The following ANK2 variants were observed in gnomAD, a reference collection of about 807,000 sequenced individuals.
The protein encoded by ANK2 is ankyrin 2.
In ANK2, 83 loss-of-function variants were observed where a neutral mutation model predicts 360.5. The ratio of observed to expected loss-of-function variants is 0.23; its 90% confidence interval spans 0.19 to 0.28. ANK2 has a LOEUF of 0.28. ANK2 is among the 10% of genes least tolerant of loss of function. The pLI is 1.00. For missense variants in ANK2, 4,201 were observed against 4,795.7 expected (o/e 0.88, Z 3.66); for synonymous variants, 1,740 against 1,759.5 (o/e 0.99, Z 0.28).
Position 113,353,287 on chromosome 4 carries a change from G to A in ANK2, c.4669G>A (p.Glu1557Lys). The change falls in exon 38 of 46, where the codon GAG (glutamate) becomes AAG (lysine). Residue 1557 changes from glutamate to lysine, a missense_variant. Transcript: ENST00000357077. ...EPFEIVERVK[E>K]DLEKVNEILR... ...TTTTGAAATCGTTGAAAGAGTTAAA[G>A]AGGACTTAGAGAAAGTGAATGAAAT... 1 of 1,613,842 alleles carries A rather than the reference G, an allele frequency of 6.2e-7. No homozygotes were observed. The highest frequency in any genetic ancestry group is 1.1e-5 in the South Asian group (1 of 91,068).
chr4:113,274,403 T>C (rs1238384323), intron 14 of ANK2, 49 bp from the exon 15 acceptor site: 1 of 1,574,844 alleles, frequency 6.3e-7, no homozygotes. Context: ...ATATCACCAG[T>C]GAAGTTCTGT....
At position 113,354,657 on chromosome 4, in the gene ANK2, C is replaced by G. The variant is rs776542014; in HGVS notation, c.6039C>G (p.His2013Gln). 6.2e-7 allele frequency: 1 copy of G among 1,613,892 alleles called. No homozygotes were observed. The highest frequency in any genetic ancestry group is 1.1e-5 in the South Asian group (1 of 91,070). Residue 2013 changes from histidine (H) to glutamine (Q), a missense_variant, in exon 38 of 46, where the codon CAC becomes CAG. Coordinates refer to ENST00000357077, the MANE Select transcript of ANK2 (RefSeq NM_001148.6). ...AACATAAAACTGGACTCTTTGAGCA[C>G]AAATCAGCAAAACAAAAGCAGCCAC... ...PSKHKTGLFE[H>Q]KSAKQKQPQE...
intron 41 of ANK2, among the ~76,000 whole-genome samples, chr4:113,366,408 T>C (rs913590139): frequency 6.7e-6 from 1 of 149,200 alleles, no homozygotes; most frequent in Non-Finnish European, 1.5e-5. Context: ...TTTTTTTTTT[T>C]TTTTTTAACT....
intron 1 of ANK2, chr4:113,151,085 A>G (rs773781121): frequency 2.3e-6 from 3 of 1,288,900 alleles, no homozygotes; most frequent in African/African-American, 1.5e-5. Context: ...TACAGGTGAC[A>G]TGCCCCCAGA....
chr4:113,085,490 G>A (rs2084224448), intron 1 of ANK2, among the ~76,000 whole-genome samples: 1 of 151,864 alleles, frequency 6.6e-6, no homozygotes, highest in Admixed American at 6.6e-5. Context: ...TGTATTTTTA[G>A]TAGAGATGGG....
At chr4:112,885,405 A>G (rs2078009988) in intron 1 of ANK2, among the ~76,000 whole-genome samples, 1 of 151,640 alleles carries the variant, frequency 6.6e-6, no homozygotes, top group South Asian at 2.1e-4. Flanking sequence ...AGGCTGAGGC[A>G]GGAGAATCGC....
chr4:113,352,777 G>C (rs982097644), intron 37 of ANK2, among the ~76,000 whole-genome samples: 3 of 151,020 alleles, frequency 2.0e-5, no homozygotes, highest in Non-Finnish European at 4.4e-5. Context: ...TTTTAGCTTT[G>C]TTGTATGTGT....
At chr4:113,290,311 T>C (rs1409160990) in intron 20 of ANK2, among the ~76,000 whole-genome samples, 1 of 152,154 alleles carries the variant, frequency 6.6e-6, no homozygotes, top group African/African-American at 2.4e-5. Context: ...ATGACATCTT[T>C]GGGAAAGGAA....
At chr4:112,817,888 TAGAAC>T (rs1388881113), upstream of ANK2, among the ~76,000 whole-genome samples, 1 of 152,190 alleles carries the variant, frequency 6.6e-6, no homozygotes. Context: ...TCCCTTCTTT[TAGAAC>T]AGAAGAAACC....
At chr4:113,235,596 T>A (rs1015915823) in intron 5 of ANK2, among the ~76,000 whole-genome samples, 1 of 151,688 alleles carries the variant, frequency 6.6e-6, no homozygotes, top group Admixed American at 6.6e-5. Flanking sequence ...ATTCATCTAA[T>A]TTTTTCTTTG....
At chr4:113,035,937 A>G (rs1338909586) in intron 2 of ANK2, among the ~76,000 whole-genome samples, 1 of 151,994 alleles carries the variant, frequency 6.6e-6, no homozygotes, top group Non-Finnish European at 1.5e-5. Context: ...AAAACACCAT[A>G]GCATTTGTAC....
intron 1 of ANK2, among the ~76,000 whole-genome samples, chr4:113,050,278 C>T (rs2066353633): frequency 6.6e-6 from 1 of 152,166 alleles, no homozygotes; most frequent in African/African-American, 2.4e-5. Flanking sequence ...GTGTATTCCT[C>T]CTAAGGAGAA....
At chr4:113,080,138 T>C (rs1426271287) in intron 1 of ANK2, among the ~76,000 whole-genome samples, 1 of 152,118 alleles carries the variant, frequency 6.6e-6, no homozygotes, top group East Asian at 1.9e-4. Flanking sequence ...ACCTAATGTG[T>C]TCCGCCTGCC....
At chr4:112,710,334 A>T in the ANK2 span, among the ~76,000 whole-genome samples, 29 of 152,242 alleles carry the variant, frequency 1.9e-4, no homozygotes, top group East Asian at 3.9e-4. Flanking sequence ...TTCTGCTTTG[A>T]GTTACTCGGA....
rs3025734 is a variant in ANK2, at chr4:113,249,920, A to G, written c.990+58A>G. 62,849 of 1,449,478 alleles carry G rather than the reference A, an allele frequency of 0.043. 1,527 individuals carry two copies. The highest frequency in any genetic ancestry group is 0.075 in the African/African-American group (5,362 of 71,798). 89.8% of individuals were successfully genotyped at this position (1,449,478 alleles called of 1,614,324 possible). A position where few individuals can be genotyped will look rare whatever the true frequency, so the allele number is the denominator to read the frequency against. On this transcript the variant is annotated intron_variant, in intron 10 of 45. Coordinates refer to ENST00000357077, the MANE Select transcript of ANK2 (RefSeq NM_001148.6). ...AAATCTTTAAGTTACTTGATGTATT[A>G]TCTCTATTCTTTTTTAAATTGAAAC...
intron 1 of ANK2, among the ~76,000 whole-genome samples, chr4:113,119,358 T>C (rs2095165365): frequency 6.6e-6 from 1 of 152,072 alleles, no homozygotes; most frequent in African/African-American, 2.4e-5. Flanking sequence ...ATTATATTTA[T>C]TTTCTAGATA....
intron 1 of ANK2, among the ~76,000 whole-genome samples, chr4:112,878,192 C>T (rs1267904966): frequency 1.3e-5 from 1 of 74,862 alleles, no homozygotes; most frequent in African/African-American, 8.6e-5. Context: ...CTCCTTTTGC[C>T]TCTGAGAAAT....
At chr4:113,284,278 T>C (rs1200715360) in intron 18 of ANK2, among the ~76,000 whole-genome samples, 2 of 152,196 alleles carry the variant, frequency 1.3e-5, no homozygotes, top group African/African-American at 2.4e-5. Context: ...GGAGAAAATG[T>C]GATCATGAAG....
intron 1 of ANK2, among the ~76,000 whole-genome samples, chr4:113,090,816 G>A (rs926395613): frequency 2.0e-5 from 3 of 152,156 alleles, no homozygotes; most frequent in Non-Finnish European, 2.9e-5. Context: ...AGTTACCCTC[G>A]TTAGACGAGG....
Sources: gnomAD v4.1 joint callset for allele counts (sites outside exome capture counted in the v4.1 genomes callset) on GRCh38, gnomAD v4.1.1 for gene constraint, MANE v1.5 for transcripts, NCBI Gene and HGNC (gene_info 2026-07-23, HGNC 2026-07-21) for gene names.